GRM5: variants seen among roughly 807,000 people sequenced by gnomAD.
GRM5 encodes the protein glutamate metabotropic receptor 5.
In GRM5, 19 loss-of-function variants were observed where a neutral mutation model predicts 83.1. The ratio of observed to expected loss-of-function variants is 0.23; its 90% confidence interval spans 0.16 to 0.34. The LOEUF is 0.34. Among genes scored for constraint, GRM5 ranks in the 10% least tolerant of loss-of-function variants. The pLI is 1.00. For synonymous variants in GRM5, 675 were observed against 633.6 expected (o/e 1.07, Z -0.98); for missense variants, 1,160 against 1,588.3 (o/e 0.73, Z 4.58).
chr11:88,719,421 A>G (rs1418185860), intron 3 of GRM5, among the ~76,000 whole-genome samples: 1 of 152,000 alleles, frequency 6.6e-6, no homozygotes, highest in African/African-American at 2.4e-5. Flanking sequence ...GGATATAATT[A>G]CATGGTGTAT....
At chr11:88,784,844 T>C (rs1321607433) in intron 3 of GRM5, among the ~76,000 whole-genome samples, 1 of 152,028 alleles carries the variant, frequency 6.6e-6, no homozygotes, top group African/African-American at 2.4e-5. Flanking sequence ...TAATCTCTGG[T>C]CACATGTTGC....
intron 2 of GRM5, among the ~76,000 whole-genome samples, chr11:88,872,001 G>A (rs1332519483): frequency 6.6e-6 from 1 of 151,458 alleles, no homozygotes; most frequent in Non-Finnish European, 1.5e-5. Context: ...ATTTTATCAA[G>A]TACTGTTTCC....
At chr11:88,835,182 A>G (rs1944071353) in intron 3 of GRM5, among the ~76,000 whole-genome samples, 1 of 152,226 alleles carries the variant, frequency 6.6e-6, no homozygotes, top group African/African-American at 2.4e-5. Flanking sequence ...AGTTCAGGAT[A>G]TCTTCCAAAC....
chr11:88,900,605 C>G (rs1040543062), intron 2 of GRM5, among the ~76,000 whole-genome samples: 1 of 151,988 alleles, frequency 6.6e-6, no homozygotes, highest in African/African-American at 2.4e-5. Flanking sequence ...GTATAATGGC[C>G]TTCTGTATGG....
chr11:88,849,102 T>C (rs189963110), intron 3 of GRM5, among the ~76,000 whole-genome samples: 43 of 152,178 alleles, frequency 2.8e-4, no homozygotes, highest in African/African-American at 9.6e-4. Flanking sequence ...TCTTGGGTCT[T>C]TAATCACATG....
At chr11:88,738,222 T>G (rs1266691182) in intron 3 of GRM5, among the ~76,000 whole-genome samples, 2 of 151,986 alleles carry the variant, frequency 1.3e-5, no homozygotes, top group Admixed American at 1.3e-4. Context: ...TGAAAAAAGA[T>G]TATATAAACT....
At chr11:88,712,491 G>A (rs538571086) in intron 3 of GRM5, among the ~76,000 whole-genome samples, 4 of 152,026 alleles carry the variant, frequency 2.6e-5, no homozygotes, top group Non-Finnish European at 5.9e-5. Context: ...ACGACAGCCT[G>A]GGGCTTCTCT....
At chr11:88,852,642 T>C (rs2135542940) in intron 2 of GRM5, among the ~76,000 whole-genome samples, 1 of 152,208 alleles carries the variant, frequency 6.6e-6, no homozygotes, top group Non-Finnish European at 1.5e-5. Flanking sequence ...AAATTTTCAC[T>C]CAATTTTGCA....
intron 2 of GRM5, among the ~76,000 whole-genome samples, chr11:88,942,747 T>A (rs1051367415): frequency 1.4e-4 from 20 of 147,384 alleles, no homozygotes; most frequent in African/African-American, 4.4e-4. Context: ...AAAAAAAAAA[T>A]GGGACACAAC....
intron 5 of GRM5, among the ~76,000 whole-genome samples, chr11:88,601,930 C>T (rs1403738889): frequency 6.6e-6 from 1 of 152,058 alleles, no homozygotes; most frequent in Non-Finnish European, 1.5e-5. Flanking sequence ...AAAAACCTTT[C>T]TTATAAAAAC....
intron 2 of GRM5, among the ~76,000 whole-genome samples, chr11:88,997,103 T>TCC (rs1940207129): frequency 2.0e-5 from 3 of 152,052 alleles, no homozygotes; most frequent in African/African-American, 7.2e-5. Flanking sequence ...GGCAGGTAGA[T>TCC]CACCTGAGGT....
chr11:88,684,843 CT>C (rs1940579587), intron 3 of GRM5, among the ~76,000 whole-genome samples: 1 of 152,192 alleles, frequency 6.6e-6, no homozygotes, highest in Middle Eastern at 3.2e-3. Flanking sequence ...TAAGAAGTGC[CT>C]TTTGCCTCCT....
chr11:88,672,208 A>C (rs1940213467), intron 3 of GRM5, among the ~76,000 whole-genome samples: 1 of 152,032 alleles, frequency 6.6e-6, no homozygotes, highest in African/African-American at 2.4e-5. Context: ...TTAGGCTTAA[A>C]AATTGAAATT....
At chr11:88,795,752 T>A (rs2135479799) in intron 3 of GRM5, among the ~76,000 whole-genome samples, 1 of 152,258 alleles carries the variant, frequency 6.6e-6, no homozygotes, top group Non-Finnish European at 1.5e-5. Flanking sequence ...CTGAACTGAG[T>A]CCCAGAATTC....
intron 9 of GRM5, among the ~76,000 whole-genome samples, chr11:88,518,107 A>AT (rs1343239870): frequency 1.3e-5 from 2 of 151,910 alleles, no homozygotes; most frequent in Non-Finnish European, 2.9e-5. Context: ...TCTGTATTAC[A>AT]TTTTTTACAG....
intron 2 of GRM5, among the ~76,000 whole-genome samples, chr11:88,994,769 A>G (rs1940122878): frequency 6.6e-6 from 1 of 152,010 alleles, no homozygotes; most frequent in Admixed American, 6.6e-5. Flanking sequence ...ATGAGGTTCC[A>G]TAAGATCAAG....
chr11:88,518,954 A>T (rs1941601649), intron 9 of GRM5, among the ~76,000 whole-genome samples: 2 of 149,882 alleles, frequency 1.3e-5, no homozygotes, highest in South Asian at 4.3e-4. Flanking sequence ...GAAGACGTAA[A>T]AGTGAACCAT....
chr11:88,896,237 T>C (rs1490517196), intron 2 of GRM5, among the ~76,000 whole-genome samples: 1 of 151,794 alleles, frequency 6.6e-6, no homozygotes, highest in East Asian at 1.9e-4. Context: ...ATCTAATCAC[T>C]GACATACATA....
intron 3 of GRM5, among the ~76,000 whole-genome samples, chr11:88,718,511 T>C (rs1941450155): frequency 6.6e-6 from 1 of 151,994 alleles, no homozygotes; most frequent in Non-Finnish European, 1.5e-5. Context: ...AATGTATTCA[T>C]ATATTACTTA....
Sources: allele counts gnomAD v4.1 joint callset (sites outside exome capture counted in the v4.1 genomes callset), GRCh38; gene constraint gnomAD v4.1.1; transcripts MANE v1.5; gene names NCBI Gene and HGNC (gene_info 2026-07-23, HGNC 2026-07-21).